The following BAHCC1 variants were observed in gnomAD, a reference collection of about 807,000 sequenced individuals.
The protein encoded by BAHCC1 is BAH domain and coiled-coil containing 1.
BAHCC1 carries 43 observed loss-of-function variants against 88.2 expected under a neutral mutation model. The observed-to-expected ratio is 0.49, with a 90% CI of 0.38 to 0.63. The LOEUF (loss-of-function observed/expected upper bound fraction) is 0.63. BAHCC1 is among the 20% of genes least tolerant of loss of function. The probability of loss-of-function intolerance (pLI) is 0.00; values close to 1 mark genes in which losing one functional copy is unlikely to be tolerated. For synonymous variants in BAHCC1, 1,510 were observed against 745.5 expected, an observed-to-expected ratio of 2.03 and a Z score of -16.71; for missense variants, 3,023 against 1,654.8, an observed-to-expected ratio of 1.83 and a Z score of -14.34.
At chr17:81,438,339 G>T (rs1555652017) in intron 3 of BAHCC1, 31 bp from the exon 4 acceptor site, 2 of 777,250 alleles carry the variant, frequency 2.6e-6, no homozygotes, top group South Asian at 2.7e-5. Flanking sequence ...GCTGGGAGTT[G>T]CCTCTGCAAC....
chr17:81,443,359 G>A lies in BAHCC1; in HGVS notation c.2010G>A (p.Leu670=). The A allele has an allele frequency of 2.6e-6, 2 of 778,268 alleles. No individual in the cohort carries two copies. Among genetic ancestry groups the A allele is most frequent in the Non-Finnish European group, 4.8e-6 (2 of 417,380 alleles). 48.2% of individuals were successfully genotyped at this position (778,268 alleles called of 1,614,324 possible). A position where few individuals can be genotyped will look rare whatever the true frequency, so the allele number is the denominator to read the frequency against. The change falls in exon 5 of 28, where the codon CTG becomes CTA. Residue 670 remains leucine, a synonymous_variant. Coordinates refer to ENST00000675386, the MANE Select transcript of BAHCC1 (RefSeq NM_001377448.1). ...ASCIQQEAKF[L]SSKGPGQSER... ...GCATCCAGCAGGAAGCAAAGTTCCT[G>A]TCCTCTAAGGGCCCAGGCCAGTCGG...
At chr17:81,410,516 C>T (rs1320629968) in intron 2 of BAHCC1, among the ~76,000 whole-genome samples, 5 of 152,202 alleles carry the variant, frequency 3.3e-5, no homozygotes, top group Non-Finnish European at 7.4e-5. Context: ...GGACGCCCAC[C>T]CTCCAGCATG....
At chr17:81,426,391 GTGA>G (rs2064199178) in intron 2 of BAHCC1, among the ~76,000 whole-genome samples, 1 of 102,188 alleles carries the variant, frequency 9.8e-6, no homozygotes, top group Non-Finnish European at 2.1e-5. Context: ...GTGGTTGGTG[GTGA>G]TAGTCGTGGG....
intron 18 of BAHCC1, 59 bp downstream of exon 18, chr17:81,458,525 T>TCCCCACCCTC (rs2029936816): frequency 3.7e-6 from 2 of 540,138 alleles, no homozygotes; most frequent in Admixed American, 2.9e-5. Context: ...GGAAAGGCCT[T>TCCCCACCCTC]CCCCGCCCTC....
chr17:81,447,354 C>A lies in BAHCC1; in HGVS notation c.3482C>A (p.Ala1161Asp). 1.3e-6 allele frequency: 1 copy of A among 742,880 alleles called. No individual in the cohort carries two copies. The highest frequency in any genetic ancestry group is 1.9e-5 in the Admixed American group (1 of 52,418). 46.0% of individuals were successfully genotyped at this position (742,880 alleles called of 1,614,324 possible). ...GGGCTACAAGAACTGCAATGTGCGG[C>A]CCTCCTGGAGGCAGGGGGCCCCGAG... is the stretch of plus-strand genomic sequence containing the variant. ...LEGLQELQCA[A>D]LLEAGGPEAT... is the part of the protein sequence containing the mutation. Residue 1161 changes from alanine (A) to aspartate (D), a missense_variant, in exon 11 of 28, where the codon GCC (alanine) becomes GAC (aspartate). Physicochemically the swap from Ala to Asp is moderately radical, Grantham distance 126 (BLOSUM62 -2). Transcript: ENST00000675386.
In BAHCC1 at chr17:81,432,260, G is replaced by A. The variant is rs952183037; in HGVS notation, c.358+5281G>A. On this transcript the variant is annotated intron_variant, in intron 3 of 27. Transcript: ENST00000675386. ...ATCTGACCGATGGTGCAGCCGCCCC[G>A]GCAGGTGCACCGTCTCCTGTGTGCC... 1.0e-3 allele frequency among the ~76,000 whole-genome samples: 152 copies of A among 152,212 alleles called. 2 individuals carry two copies. In the South Asian group the frequency reaches 0.03, roughly 30 times the overall value.
intron 2 of BAHCC1, chr17:81,415,495 G>A (rs782768844): frequency 2.0e-6 from 1 of 510,212 alleles, no homozygotes. Flanking sequence ...AAAAGCAGTT[G>A]GCTGGGAAAT....
rs556821247 is a variant in BAHCC1 at position 81,464,221 on chromosome 17, C to A, written c.*404C>A. ...ATTTCTCTATGTAAATATTGTATTT[C>A]TGCGGGGAAATTTTATGGTAAAAAG... On this transcript the variant is annotated 3_prime_UTR_variant, in exon 28 of 28. Coordinates refer to ENST00000675386, the MANE Select transcript of BAHCC1 (RefSeq NM_001377448.1). The A allele has an allele frequency of 1.9e-5, 5 of 266,002 alleles. No homozygotes were observed. Among genetic ancestry groups the A allele is most frequent in the African/African-American group, 6.5e-5 (3 of 45,874 alleles). 16.5% of individuals were successfully genotyped at this position (266,002 alleles called of 1,614,324 possible). A position where few individuals can be genotyped will look rare whatever the true frequency, so the allele number is the denominator to read the frequency against.
intron 2 of BAHCC1, chr17:81,415,460 C>A (rs1555648489): frequency 2.1e-6 from 1 of 483,792 alleles, no homozygotes; most frequent in African/African-American, 2.0e-5. Flanking sequence ...GCGCGAGGCC[C>A]CATGTGGTTG....
chr17:81,432,549 G>GCCCACCCTCCCTCCCATCGCCGGT (rs2064273543), intron 3 of BAHCC1, among the ~76,000 whole-genome samples: 3 of 32,270 alleles, frequency 9.3e-5, no homozygotes, highest in African/African-American at 3.7e-4. Context: ...CCATCACCAG[G>GCCCACCCTCCCTCCCATCGCCGGT]CCCACCCTCC....
chr17:81,448,757 G>A (rs797023107), intron 11 of BAHCC1, among the ~76,000 whole-genome samples: 12 of 152,312 alleles, frequency 7.9e-5, no homozygotes, highest in East Asian at 1.9e-4. Flanking sequence ...GGGTGGTTCC[G>A]CAGTGCTGGG....
At position 81,399,151 on chromosome 17, in the gene BAHCC1, G is replaced by GTGTA. The variant is rs1555645425; in HGVS notation, c.-206-381_-206-380insTATG. 2.6e-6 allele frequency: 1 copy of GTGTA among 388,716 alleles called. No homozygotes were observed. Among genetic ancestry groups the GTGTA allele is most frequent in the South Asian group, 1.7e-5 (1 of 58,460 alleles). The allele number at this position is 388,716 out of a possible 1,614,324, so 24.1% of individuals were successfully genotyped here. A position where few individuals can be genotyped will look rare whatever the true frequency, so the allele number is the denominator to read the frequency against. ...TGAGTGTGTGTGTGTGTGTGTGTGTGTGCGAGTGTGCGTGATGGCTTCGCA... is the reference window on the plus strand; with the variant it reads ...TGAGTGTGTGTGTGTGTGTGTGTGTGTGTATGCGAGTGTGCGTGATGGCTTCGCA... On this transcript the variant is annotated intron_variant, in intron 1 of 27. Transcript: ENST00000675386. This position sits in a 1 kb window ranked among gnomAD's most constrained non-coding sequence, Gnocchi z 4.5.
intron 13 of BAHCC1, 134 bp from the exon 14 acceptor site, chr17:81,452,589 G>T (rs2064661623): frequency 9.2e-6 from 5 of 545,240 alleles, no homozygotes; most frequent in Non-Finnish European, 1.6e-5. Flanking sequence ...TGAGGGGTCA[G>T]GCTCCCCAGG....
Position 81,434,749 on chromosome 17 carries a change from G to C in BAHCC1, c.359-3621G>C, listed in dbSNP as rs2064313064. Reference sequence around the variant, plus strand: ...TGCTCCCTGGAAGGGCAGCCTGGGGGGTGGGTTGTGGCCACCTCCCCAGAT... The same window carrying C: ...TGCTCCCTGGAAGGGCAGCCTGGGGCGTGGGTTGTGGCCACCTCCCCAGAT... On this transcript the variant is annotated intron_variant, in intron 3 of 27. Coordinates refer to ENST00000675386, the MANE Select transcript of BAHCC1 (RefSeq NM_001377448.1). This position sits in a 1 kb window ranked among gnomAD's most constrained non-coding sequence, Gnocchi z 4.9. Among the ~76,000 whole-genome samples the C allele has an allele frequency of 6.6e-6, 1 of 152,096 alleles. No homozygotes were observed. The highest frequency in any genetic ancestry group is 1.5e-5 in the Non-Finnish European group (1 of 68,000).
At position 81,411,077 on chromosome 17, in the gene BAHCC1, C is replaced by G. The variant is rs1555647759; in HGVS notation, c.178+11160C>G. 1.9e-6 allele frequency: 1 copy of G among 519,334 alleles called. No homozygotes were observed. Among genetic ancestry groups the G allele is most frequent in the Admixed American group, 1.9e-5 (1 of 51,584 alleles). 32.2% of individuals were successfully genotyped at this position (519,334 alleles called of 1,614,324 possible). On this transcript the variant is annotated intron_variant, in intron 2 of 27. Transcript: ENST00000675386. This position sits in a 1 kb window ranked among gnomAD's most constrained non-coding sequence, Gnocchi z 6.2. ...CTCCCCTCGGGCCTGAGGGGTCCCT[C>G]TCTCTGGGGTCACGCTCCCTTGTTC... is the stretch of plus-strand genomic sequence containing the variant.
intron 3 of BAHCC1, among the ~76,000 whole-genome samples, chr17:81,429,524 G>C (rs1488599561): frequency 6.6e-6 from 1 of 152,200 alleles, no homozygotes; most frequent in African/African-American, 2.4e-5. Context: ...AGCATGCCTG[G>C]CTGCTAGTTT....
chr17:81,444,705 C>T lies in BAHCC1; in HGVS notation c.2550C>T (p.Pro850=), dbSNP rs200357732. The change falls in exon 8 of 28, where the codon CCC becomes CCT. Residue 850 remains proline (P), a synonymous_variant. Transcript: ENST00000675386. ...CTGCCCTGCACCAGAACCTGCCCCC[C>T]GGCTTCCCCGCCTCCGTGGCTGGCC... The part of the protein sequence containing the change: ...GHPALHQNLP[P]GFPASVAGPV... The T allele has an allele frequency of 3.0e-5, 23 of 776,858 alleles. No homozygotes were observed. The highest frequency in any genetic ancestry group is 4.5e-5 in the Non-Finnish European group (19 of 417,662). 48.1% of individuals were successfully genotyped at this position (776,858 alleles called of 1,614,324 possible). A position where few individuals can be genotyped will look rare whatever the true frequency, so the allele number is the denominator to read the frequency against.
intron 2 of BAHCC1, among the ~76,000 whole-genome samples, chr17:81,425,131 TG>T (rs2064163873): frequency 8.9e-6 from 1 of 112,226 alleles, no homozygotes; most frequent in African/African-American, 3.6e-5. Flanking sequence ...GTGATAGTGG[TG>T]GGTGATGTGG....
Position 81,458,876 on chromosome 17 carries a change from G to T in BAHCC1, c.5512G>T (p.Asp1838Tyr). 1.3e-6 allele frequency: 1 copy of T among 774,412 alleles called. No homozygotes were observed. The highest frequency in any genetic ancestry group is 2.4e-6 in the Non-Finnish European group (1 of 414,228). The allele number at this position is 774,412 out of a possible 1,614,324, so 48.0% of individuals were successfully genotyped here. The change falls in exon 20 of 28, where the codon GAC becomes TAC. Residue 1838 changes from aspartate to tyrosine, a missense_variant. Transcript: ENST00000675386. ...CGCCGTGGAGGAAGACTTTGAGTTC[G>T]ACGACAACAGCAGCTTCTCGGAAGA... ...SFAVEEDFEF[D>Y]DNSSFSEEEE...
Sources: allele counts gnomAD v4.1 joint callset (sites outside exome capture counted in the v4.1 genomes callset), GRCh38; gene constraint gnomAD v4.1.1; non-coding constraint Gnocchi (gnomAD v3.1); transcripts MANE v1.5; gene names NCBI Gene and HGNC (gene_info 2026-07-23, HGNC 2026-07-21).